CNTN3: variants seen among roughly 807,000 people sequenced by gnomAD.
The protein encoded by CNTN3 is contactin 3, also known as contactin-3.
Under a neutral mutation model 119.1 loss-of-function variants are expected in CNTN3, and 60 were observed. The observed-to-expected ratio is 0.50, with a 90% CI of 0.41 to 0.62. The LOEUF (loss-of-function observed/expected upper bound fraction) is 0.62, where lower values mean the gene tolerates loss of function less well. Among genes scored for constraint, CNTN3 ranks in the 20% least tolerant of loss-of-function variants. The pLI is 0.00. For missense variants in CNTN3, 1,101 were observed against 1,242.4 expected, an observed-to-expected ratio of 0.89 and a Z score of 1.71; for synonymous variants, 450 against 438.7, an observed-to-expected ratio of 1.03 and a Z score of -0.32.
intron 1 of CNTN3, among the ~76,000 whole-genome samples, chr3:74,564,640 ACAG>A (rs748344546): frequency 3.0e-4 from 45 of 151,488 alleles, no homozygotes; most frequent in Non-Finnish European, 5.4e-4. Context: ...ATATAAAAGG[ACAG>A]CAGAAGTTTC....
chr3:74,464,607 T>C (rs1702428937), intron 4 of CNTN3, among the ~76,000 whole-genome samples: 1 of 152,134 alleles, frequency 6.6e-6, no homozygotes, highest in African/African-American at 2.4e-5. Flanking sequence ...CTAAATCCAG[T>C]AGGTGGCATC....
intron 1 of CNTN3, among the ~76,000 whole-genome samples, chr3:74,539,815 A>G (rs1703816661): frequency 6.6e-6 from 1 of 152,190 alleles, no homozygotes. Flanking sequence ...TGCAGTTACA[A>G]TGAAAAGACC....
chr3:74,337,364 C>A (rs1423571450), intron 11 of CNTN3, among the ~76,000 whole-genome samples: 1 of 152,114 alleles, frequency 6.6e-6, no homozygotes, highest in Non-Finnish European at 1.5e-5. Context: ...CACAAAAAGT[C>A]TCCACCTTCA....
chr3:74,583,932 T>C (rs1036223547), intron 1 of CNTN3, among the ~76,000 whole-genome samples: 1 of 152,198 alleles, frequency 6.6e-6, no homozygotes, highest in African/African-American at 2.4e-5. Flanking sequence ...CTCTTGTCCC[T>C]GGTTCTTATC....
intron 1 of CNTN3, among the ~76,000 whole-genome samples, chr3:74,551,397 C>T (rs537272392): frequency 2.4e-4 from 37 of 152,282 alleles, no homozygotes; most frequent in African/African-American, 7.2e-4. Flanking sequence ...CCTCAACACA[C>T]ATGCACACAT....
chr3:74,453,037 A>C (rs1702191369), intron 4 of CNTN3, among the ~76,000 whole-genome samples: 1 of 151,806 alleles, frequency 6.6e-6, no homozygotes, highest in African/African-American at 2.4e-5. Context: ...TCATAAAATG[A>C]GTTAGGGAGG....
intron 5 of CNTN3, among the ~76,000 whole-genome samples, chr3:74,394,980 T>C (rs146091955): frequency 6.1e-4 from 93 of 152,328 alleles, no homozygotes; most frequent in African/African-American, 2.1e-3. Context: ...ATGAAATATA[T>C]ATGAACAAAT....
intron 1 of CNTN3, among the ~76,000 whole-genome samples, chr3:74,585,830 A>G (rs1704583856): frequency 6.6e-6 from 1 of 152,132 alleles, no homozygotes; most frequent in African/African-American, 2.4e-5. Flanking sequence ...ATAGACAAAA[A>G]ATGGATCTAT....
chr3:74,384,905 A>C (rs61469873), intron 5 of CNTN3, among the ~76,000 whole-genome samples: 5,298 of 152,180 alleles, frequency 0.035, 302 homozygotes, highest in African/African-American at 0.12. Context: ...GATATTTATA[A>C]GTATGTTTAT....
At chr3:74,304,075 T>A (rs1702512518) in intron 13 of CNTN3, among the ~76,000 whole-genome samples, 1 of 152,200 alleles carries the variant, frequency 6.6e-6, no homozygotes, top group Non-Finnish European at 1.5e-5. Flanking sequence ...GGTAATTTCC[T>A]AAAATCTTCC....
intron 20 of CNTN3, among the ~76,000 whole-genome samples, chr3:74,273,400 C>T (rs1285203263): frequency 6.6e-6 from 1 of 152,186 alleles, no homozygotes; most frequent in African/African-American, 2.4e-5. Context: ...AGGAATAAAA[C>T]AGGAAACCTG....
intron 4 of CNTN3, 83 bp from the exon 5 acceptor site, chr3:74,425,023 G>T: frequency 2.3e-6 from 2 of 859,808 alleles, no homozygotes; most frequent in Non-Finnish European, 3.6e-6. Context: ...CTTTCTTTTA[G>T]AAAACAATTT....
intron 11 of CNTN3, among the ~76,000 whole-genome samples, chr3:74,358,817 G>A (rs1704008752): frequency 7.6e-6 from 1 of 132,248 alleles, no homozygotes; most frequent in Admixed American, 9.2e-5. Flanking sequence ...GTGTCCATGT[G>A]ATCTCATTGT....
intron 1 of CNTN3, among the ~76,000 whole-genome samples, chr3:74,603,171 C>A (rs879021917): frequency 6.6e-6 from 1 of 152,124 alleles, no homozygotes; most frequent in Admixed American, 6.5e-5. Flanking sequence ...TAAGCCAACT[C>A]CAGTCTTTGT....
At chr3:74,336,237 A>G (rs1264091656) in intron 12 of CNTN3, among the ~76,000 whole-genome samples, 1 of 152,122 alleles carries the variant, frequency 6.6e-6, no homozygotes, top group African/African-American at 2.4e-5. Context: ...TAAAGACCTG[A>G]CATAATAGAA....
intron 9 of CNTN3, 63 bp from the exon 10 acceptor site, chr3:74,364,659 T>A: frequency 1.5e-6 from 2 of 1,375,782 alleles, no homozygotes; most frequent in African/African-American, 1.4e-5. Context: ...AAAAATGAAC[T>A]GACTATCATT....
At chr3:74,417,730 TTA>T (rs1298445355) in intron 5 of CNTN3, among the ~76,000 whole-genome samples, 1 of 152,192 alleles carries the variant, frequency 6.6e-6, no homozygotes, top group Non-Finnish European at 1.5e-5. Context: ...TCAAAATATT[TTA>T]TAGTTATCCA....
intron 5 of CNTN3, among the ~76,000 whole-genome samples, chr3:74,393,459 T>C (rs1456207038): frequency 6.6e-6 from 1 of 152,234 alleles, no homozygotes; most frequent in Admixed American, 6.5e-5. Context: ...TTTCCTTCCC[T>C]GGTATATTTT....
chr3:74,482,580 C>A (rs1396666492), intron 4 of CNTN3, among the ~76,000 whole-genome samples: 2 of 152,004 alleles, frequency 1.3e-5, no homozygotes, highest in Non-Finnish European at 2.9e-5. Context: ...AAAAGTGGAG[C>A]ATCAACCATA....
Sources: allele counts gnomAD v4.1 joint callset (sites outside exome capture counted in the v4.1 genomes callset), GRCh38; gene constraint gnomAD v4.1.1; transcripts MANE v1.5; gene names NCBI Gene and HGNC (gene_info 2026-07-23, HGNC 2026-07-21).